The following CNTN5 variants were observed in gnomAD, a reference collection of about 807,000 sequenced individuals.
The protein encoded by CNTN5 is contactin-5.
A neutral mutation model predicts 129.1 loss-of-function variants in CNTN5; 77 were observed. That is an observed-to-expected ratio of 0.60 (90% CI 0.50 to 0.72). The LOEUF (loss-of-function observed/expected upper bound fraction) is 0.72, where lower values mean the gene tolerates loss of function less well. Ranked by LOEUF, CNTN5 falls within the 30% of genes least tolerant of loss-of-function variation. The pLI, the probability that CNTN5 is intolerant of heterozygous loss-of-function variation, is 0.00. For missense variants in CNTN5, 1,478 were observed against 1,328.8 expected (o/e 1.11, Z -1.75); for synonymous variants, 509 against 465.6 (o/e 1.09, Z -1.20).
In CNTN5 at chr11:99,786,024, GAAAT is replaced by G. The variant is rs199874355; in HGVS notation, c.56-33516_56-33513del. On this transcript the variant is annotated intron_variant, in intron 3 of 24. Transcript: ENST00000524871. Reference sequence around the variant, plus strand: ...GGCAAGGGCAATCAGGCAAGAGAAAGAAATAAAGGGCATTGAAATAGGAAGAGAG... The same window carrying G: ...GGCAAGGGCAATCAGGCAAGAGAAAGAAAGGGCATTGAAATAGGAAGAGAG... 6.2e-3 allele frequency among the ~76,000 whole-genome samples: 937 copies of G among 152,106 alleles called. 73 individuals carry two copies. In the East Asian group the frequency reaches 0.11, roughly 18 times the overall value.
intron 2 of CNTN5, among the ~76,000 whole-genome samples, chr11:99,382,334 C>T (rs1196880146): frequency 6.6e-6 from 1 of 152,080 alleles, no homozygotes; most frequent in Admixed American, 6.6e-5. Flanking sequence ...GTGAAATCTG[C>T]TGGACAGAAA....
chr11:100,005,529 C>A (rs540207679), intron 9 of CNTN5, among the ~76,000 whole-genome samples: 1 of 152,246 alleles, frequency 6.6e-6, no homozygotes, highest in African/African-American at 2.4e-5. Flanking sequence ...ACTATAGGTA[C>A]TAGGTTGGCA....
At chr11:99,582,353 C>A (rs1391630820) in intron 3 of CNTN5, among the ~76,000 whole-genome samples, 1 of 152,038 alleles carries the variant, frequency 6.6e-6, no homozygotes, top group Non-Finnish European at 1.5e-5. Context: ...TCTTTATTTC[C>A]TGAATTTGAA....
intron 9 of CNTN5, among the ~76,000 whole-genome samples, chr11:100,014,245 C>G (rs1449138040): frequency 6.6e-6 from 1 of 151,978 alleles, no homozygotes; most frequent in African/African-American, 2.4e-5. Context: ...TTGATGCAGC[C>G]CTCTGCATAA....
chr11:99,869,722 G>A (rs150560103), intron 6 of CNTN5, among the ~76,000 whole-genome samples: 12 of 152,234 alleles, frequency 7.9e-5, no homozygotes, highest in South Asian at 2.1e-4. Context: ...GATCTGGATC[G>A]AGCAGAGTGC....
chr11:99,111,205 A>C (rs564261618), intron 1 of CNTN5, among the ~76,000 whole-genome samples: 90 of 152,060 alleles, frequency 5.9e-4, no homozygotes, highest in Middle Eastern at 3.4e-3. Context: ...TAAGCAGGTG[A>C]CTCTGTACAA....
Position 99,361,861 on chromosome 11 carries a change from T to C in CNTN5, c.-71+36377T>C, listed in dbSNP as rs145841714. Among the ~76,000 whole-genome samples, 1,093 of 152,240 alleles carry C rather than the reference T, an allele frequency of 7.2e-3. 12 individuals carry two copies. The highest frequency in any genetic ancestry group is 0.011 in the Non-Finnish European group (739 of 67,960). ...TGAATAATATTCCATTGTATGTATA[T>C]ACCACATTTTGTTTTTTCATTCATC... On this transcript the variant is annotated intron_variant, in intron 2 of 24. Coordinates refer to ENST00000524871, the MANE Select transcript of CNTN5 (RefSeq NM_014361.4).
chr11:99,903,964 T>C (rs960050179), intron 6 of CNTN5, among the ~76,000 whole-genome samples: 1 of 152,096 alleles, frequency 6.6e-6, no homozygotes, highest in Non-Finnish European at 1.5e-5. Context: ...CAATGAGACA[T>C]CATGTCATCC....
At chr11:99,775,506 A>G (rs17134412) in intron 3 of CNTN5, among the ~76,000 whole-genome samples, 3,166 of 152,152 alleles carry the variant, frequency 0.021, 107 homozygotes, top group East Asian at 0.14. Context: ...GCTTTGGTCA[A>G]ACAAAAACCT....
chr11:100,245,269 G>A (rs1949818391), intron 16 of CNTN5, among the ~76,000 whole-genome samples: 1 of 152,086 alleles, frequency 6.6e-6, no homozygotes, highest in Non-Finnish European at 1.5e-5. Context: ...AATCTTTCTT[G>A]TTCACATACA....
intron 2 of CNTN5, among the ~76,000 whole-genome samples, chr11:99,369,182 T>C (rs544467107): frequency 1.3e-3 from 172 of 135,810 alleles, no homozygotes; most frequent in African/African-American, 4.4e-3. Context: ...ATATATATAA[T>C]ATATATAATA....
At chr11:99,601,743 G>C (rs1257972387) in intron 3 of CNTN5, among the ~76,000 whole-genome samples, 1 of 152,108 alleles carries the variant, frequency 6.6e-6, no homozygotes, top group Non-Finnish European at 1.5e-5. Context: ...CGCCCAGTAG[G>C]ATACTGGCTT....
chr11:99,730,235 G>C (rs1200540988), intron 3 of CNTN5, among the ~76,000 whole-genome samples: 1 of 152,174 alleles, frequency 6.6e-6, no homozygotes, highest in African/African-American at 2.4e-5. Context: ...GAATTCTGCT[G>C]GAACTGGCTT....
chr11:100,033,486 A>C (rs1265025370), intron 9 of CNTN5, among the ~76,000 whole-genome samples: 3 of 152,126 alleles, frequency 2.0e-5, no homozygotes, highest in Non-Finnish European at 4.4e-5. Flanking sequence ...ATGTATTCTT[A>C]ATCCATGATG....
chr11:100,348,266 T>A (rs1952331338), intron 23 of CNTN5, among the ~76,000 whole-genome samples: 1 of 152,084 alleles, frequency 6.6e-6, no homozygotes, highest in African/African-American at 2.4e-5. Context: ...CTTTTCTAAA[T>A]CAGGATTTTA....
chr11:99,252,347 A>C (rs1862153484), intron 1 of CNTN5, among the ~76,000 whole-genome samples: 1 of 151,980 alleles, frequency 6.6e-6, no homozygotes, highest in Admixed American at 6.6e-5. Context: ...ACACACAAAC[A>C]AAAAACACAC....
intron 8 of CNTN5, among the ~76,000 whole-genome samples, chr11:99,958,141 A>G (rs991820739): frequency 1.3e-5 from 2 of 152,186 alleles, no homozygotes; most frequent in Non-Finnish European, 2.9e-5. Context: ...GCATGGAGAA[A>G]CCAGTAGAAA....
At chr11:99,688,072 A>C (rs1247220341) in intron 3 of CNTN5, among the ~76,000 whole-genome samples, 1 of 152,228 alleles carries the variant, frequency 6.6e-6, no homozygotes, top group Non-Finnish European at 1.5e-5. Context: ...ATAAATCAGC[A>C]GTGGATTCCC....
intron 13 of CNTN5, among the ~76,000 whole-genome samples, chr11:100,113,894 T>C (rs1223089183): frequency 6.6e-6 from 1 of 152,126 alleles, no homozygotes; most frequent in Non-Finnish European, 1.5e-5. Context: ...TGTGGTCTTG[T>C]TGCCAAGAGA....
Sources: allele counts gnomAD v4.1 joint callset (sites outside exome capture counted in the v4.1 genomes callset), GRCh38; gene constraint gnomAD v4.1.1; transcripts MANE v1.5; gene names NCBI Gene and HGNC (gene_info 2026-07-23, HGNC 2026-07-21).